The following AMPH variants were observed in gnomAD, a reference collection of about 807,000 sequenced individuals.
AMPH encodes amphiphysin (Stiff-Mann syndrome with breast cancer 128kD autoantigen).
A neutral mutation model predicts 99.1 loss-of-function variants in AMPH; 49 were observed. The ratio of observed to expected loss-of-function variants is 0.49; its 90% CI spans 0.39 to 0.63. The LOEUF is 0.63. Ranked by LOEUF, AMPH falls within the 20% of genes least tolerant of loss-of-function variation. AMPH has a pLI of 0.00. For synonymous variants in AMPH, 314 were observed against 317.3 expected (o/e 0.99, Z 0.11); for missense variants, 759 against 863.4 (o/e 0.88, Z 1.52).
At chr7:38,473,013 C>T (rs1787941495) in intron 7 of AMPH, among the ~76,000 whole-genome samples, 1 of 152,156 alleles carries the variant, frequency 6.6e-6, no homozygotes, top group Non-Finnish European at 1.5e-5. Context: ...ACTAGAAAAA[C>T]CTTAGTTATA....
Position 38,429,616 on chromosome 7 carries a change from A to G in AMPH, c.1182+226T>C. 1.4e-6 allele frequency: 2 copies of G among 1,445,730 alleles called. 1 individual carries two copies. Among genetic ancestry groups the G allele is most frequent in the South Asian group, 2.7e-5 (2 of 72,894 alleles). 89.6% of individuals were successfully genotyped at this position (1,445,730 alleles called of 1,614,324 possible). A position where few individuals can be genotyped will look rare whatever the true frequency, so the allele number is the denominator to read the frequency against. ...AGAAGAGCAAAGGAAAAAAAACAAA[A>G]ACAAAAGATGAAACAGAACATGGTA... On this transcript the variant is annotated intron_variant, in intron 14 of 20. Transcript: ENST00000356264.
Position 38,494,364 on chromosome 7 carries a change from A to T in AMPH, c.300+69T>A, listed in dbSNP as rs1788843613. The T allele has an allele frequency of 2.3e-6, 3 of 1,299,956 alleles. No homozygotes were observed. The Admixed American group carries it at 5.0e-5, about 22-fold the overall frequency. 80.5% of individuals were successfully genotyped at this position (1,299,956 alleles called of 1,614,324 possible). On this transcript the variant is annotated intron_variant, in intron 4 of 20. Transcript: ENST00000356264. ...ATGATTAAGACTGTGAAGTGGAAAG[A>T]GCAAGTCAGGGGACAGGTGGACTGA...
rs998457365 is a variant in AMPH at position 38,595,538 on chromosome 7, C to A, written c.69+35745G>T. Among the ~76,000 whole-genome samples, 12 of 152,278 alleles carry A rather than the reference C, an allele frequency of 7.9e-5. No homozygotes were observed. The East Asian group carries it at 2.3e-3, about 29-fold the overall frequency. ...AAGGAGTTTTAGGACAAATATCAAT[C>A]AGGGTGTCCAGAAAAGTCCAACTTT... On this transcript the variant is annotated intron_variant, in intron 1 of 20. Transcript: ENST00000356264.
intron 1 of AMPH, among the ~76,000 whole-genome samples, chr7:38,583,507 A>T (rs1172238107): frequency 6.6e-6 from 1 of 152,252 alleles, no homozygotes; most frequent in African/African-American, 2.4e-5. Context: ...AGAATAAAGG[A>T]TTTATTGAGA....
intron 20 of AMPH, among the ~76,000 whole-genome samples, chr7:38,387,835 A>C (rs910323397): frequency 6.6e-6 from 1 of 151,920 alleles, no homozygotes; most frequent in African/African-American, 2.4e-5. Flanking sequence ...ATGAAAATCA[A>C]AGATACAGCG....
chr7:38,462,103 T>C (rs1787472061), intron 10 of AMPH, among the ~76,000 whole-genome samples: 1 of 152,216 alleles, frequency 6.6e-6, no homozygotes, highest in African/African-American at 2.4e-5. Context: ...ATGACTGCTA[T>C]TATGTTCTAC....
intron 1 of AMPH, among the ~76,000 whole-genome samples, chr7:38,564,284 C>A (rs886996410): frequency 6.6e-6 from 1 of 152,170 alleles, no homozygotes; most frequent in Non-Finnish European, 1.5e-5. Context: ...AGAACCCCTG[C>A]ACACGTCAAG....
intron 15 of AMPH, among the ~76,000 whole-genome samples, chr7:38,425,513 G>A (rs1233322647): frequency 6.6e-6 from 1 of 152,134 alleles, no homozygotes; most frequent in Non-Finnish European, 1.5e-5. Context: ...CAAAAAGTTG[G>A]CATGAAACAA....
rs367681008 is a variant in AMPH at position 38,441,389 on chromosome 7, C to T, written c.1018-5001G>A. Among the ~76,000 whole-genome samples, 13 of 152,064 alleles carry T rather than the reference C, an allele frequency of 8.5e-5. No individual in the cohort carries two copies. The East Asian group carries it at 1.7e-3, about 20-fold the overall frequency. ...GTGACTAAATTTGACCTAATTTACA[C>T]TTATAACATTCTATCCAACAACAGC... On this transcript the variant is annotated intron_variant, in intron 11 of 20. Coordinates refer to ENST00000356264, the MANE Select transcript of AMPH (RefSeq NM_001635.4).
chr7:38,574,847 A>C (rs1400924841), intron 1 of AMPH, among the ~76,000 whole-genome samples: 2 of 152,066 alleles, frequency 1.3e-5, no homozygotes, highest in African/African-American at 2.4e-5. Flanking sequence ...CGAGGTGAAG[A>C]GATCAAGACC....
At chr7:38,530,716 T>G (rs1790366155) in intron 2 of AMPH, among the ~76,000 whole-genome samples, 1 of 152,200 alleles carries the variant, frequency 6.6e-6, no homozygotes. Context: ...CCTTTTTTTC[T>G]GCTCATTAAC....
chr7:38,403,400 C>T (rs1784896449), intron 17 of AMPH, among the ~76,000 whole-genome samples: 1 of 152,212 alleles, frequency 6.6e-6, no homozygotes, highest in South Asian at 2.1e-4. Context: ...AATCTGAGAA[C>T]TTCCTGAGGA....
At chr7:38,631,044 G>A (rs1255306802) in intron 1 of AMPH, among the ~76,000 whole-genome samples, 2 of 152,142 alleles carry the variant, frequency 1.3e-5, no homozygotes, top group African/African-American at 4.8e-5. Flanking sequence ...GGCGTCTCCG[G>A]GGCCAGGGTC....
At chr7:38,562,462 A>G (rs1791587432) in intron 1 of AMPH, among the ~76,000 whole-genome samples, 2 of 152,176 alleles carry the variant, frequency 1.3e-5, no homozygotes, top group Admixed American at 6.5e-5. Flanking sequence ...ATAAATATGT[A>G]TTATCAGCTA....
chr7:38,512,864 C>A (rs1475279668), intron 2 of AMPH, among the ~76,000 whole-genome samples: 1 of 152,124 alleles, frequency 6.6e-6, no homozygotes. Context: ...ACAAATGTAA[C>A]AAGTTTTTGT....
At chr7:38,435,209 A>G (rs1356445216) in intron 12 of AMPH, among the ~76,000 whole-genome samples, 1 of 152,188 alleles carries the variant, frequency 6.6e-6, no homozygotes, top group African/African-American at 2.4e-5. Flanking sequence ...TACTTTATTA[A>G]CACCTTGGAC....
chr7:38,384,881 C>T lies in AMPH; in HGVS notation c.2025G>A (p.Gln675=), dbSNP rs34477056. 147 of 1,614,028 alleles carry T rather than the reference C, an allele frequency of 9.1e-5. No individual in the cohort carries two copies. In the African/African-American group the frequency reaches 1.6e-3, roughly 17 times the overall value. ...LVGVKESDWL[Q]YRDLATYKGL... is the part of the protein sequence containing the mutation. ...CTTTGTAGGTGGCAAGGTCTCTGTA[C>T]TGAAGCCAGTCTGATTCCTTCACTC... Residue 675 remains glutamine (Q), a synonymous_variant, in exon 21 of 21, where the codon CAG becomes CAA. Transcript: ENST00000356264.
Position 38,465,544 on chromosome 7 carries a change from G to A in AMPH, c.672C>T (p.Cys224=). Residue 224 remains cysteine (C), a synonymous_variant, in exon 9 of 21, where the codon TGC becomes TGT. Coordinates refer to ENST00000356264, the MANE Select transcript of AMPH (RefSeq NM_001635.4). ...AKFHKEIAVL[C]HKLYEVMTKL... ...TTGTCATCACTTCATACAGTTTGTG[G>A]CAAAGCTAAGGGGACAGAGGCCACT... 1 of 1,578,980 alleles carries A rather than the reference G, an allele frequency of 6.3e-7. No individual in the cohort carries two copies. The highest frequency in any genetic ancestry group is 8.6e-7 in the Non-Finnish European group (1 of 1,160,456).
rs530926437 is a variant in AMPH at position 38,581,323 on chromosome 7, G to A, written c.70-46312C>T. 6.6e-5 allele frequency among the ~76,000 whole-genome samples: 10 copies of A among 152,254 alleles called. No individual in the cohort carries two copies. The East Asian group carries it at 1.7e-3, about 26-fold the overall frequency. ...GGCCTCACTTGAGAAGCTGATATTTGAATAATGATCTAAGGTCGACAACAG... is the reference window on the plus strand; with the variant it reads ...GGCCTCACTTGAGAAGCTGATATTTAAATAATGATCTAAGGTCGACAACAG... On this transcript the variant is annotated intron_variant, in intron 1 of 20. Coordinates refer to ENST00000356264, the MANE Select transcript of AMPH (RefSeq NM_001635.4).
Sources: allele counts gnomAD v4.1 joint callset (sites outside exome capture counted in the v4.1 genomes callset), GRCh38; gene constraint gnomAD v4.1.1; transcripts MANE v1.5; gene names NCBI Gene and HGNC (gene_info 2026-07-23, HGNC 2026-07-21).